HHLA2: variants seen among roughly 807,000 people sequenced by gnomAD.
HHLA2 encodes the protein HERV-H LTR-associating protein 2.
In HHLA2, 48 loss-of-function variants were observed where a neutral mutation model predicts 45.9. The ratio of observed to expected loss-of-function variants is 1.05; its 90% confidence interval spans 0.83 to 1.33. The LOEUF is 1.33. HHLA2 is among the 40% of genes most tolerant of loss of function. HHLA2 has a pLI of 0.00. For missense variants in HHLA2, 462 were observed against 494.3 expected (o/e 0.93, Z 0.62); for synonymous variants, 161 against 173.9 (o/e 0.93, Z 0.59).
intron 8 of HHLA2, among the ~76,000 whole-genome samples, chr3:108,373,651 T>C (rs1266147356): frequency 3.3e-5 from 5 of 151,964 alleles, no homozygotes; most frequent in African/African-American, 1.2e-4. Context: ...AAAATCAATG[T>C]GCAAAAATCA....
chr3:108,319,611 G>C (rs1188351543), intron 2 of HHLA2, among the ~76,000 whole-genome samples: 1 of 152,160 alleles, frequency 6.6e-6, no homozygotes, highest in Non-Finnish European at 1.5e-5. Flanking sequence ...GTTTCTTTTA[G>C]GTACTTGAAG....
At chr3:108,353,903 T>A (rs771443557) in intron 5 of HHLA2, 123 bp downstream of exon 4, 138 of 690,378 alleles carry the variant, frequency 2.0e-4, no homozygotes, top group Admixed American at 3.5e-4. Context: ...CTACTTATTT[T>A]TAACGCACAG....
chr3:108,358,386 T>C lies in HHLA2; in HGVS notation c.1003+225T>C, dbSNP rs183721536. ...TACTCCCACAGATTTCCTTTCAGGA[T>C]TTTGGGGCTTCAGAAATGAGGAGGA... On this transcript the variant is annotated intron_variant, in intron 7 of 10. Transcript: ENST00000619531. Among the ~76,000 whole-genome samples the C allele has an allele frequency of 2.2e-4, 34 of 152,306 alleles. No homozygotes were observed. The East Asian group carries it at 5.4e-3, about 24-fold the overall frequency.
At chr3:108,317,286 T>C (rs2081118507) in intron 2 of HHLA2, among the ~76,000 whole-genome samples, 1 of 152,210 alleles carries the variant, frequency 6.6e-6, no homozygotes, top group South Asian at 2.1e-4. Flanking sequence ...TCTGTGACAT[T>C]TCTAACCAGG....
At chr3:108,372,558 C>T (rs1165721784) in intron 8 of HHLA2, among the ~76,000 whole-genome samples, 1 of 150,834 alleles carries the variant, frequency 6.6e-6, no homozygotes, top group Non-Finnish European at 1.5e-5. Flanking sequence ...TTGAAAAGAT[C>T]AACAAAATTG....
intron 2 of HHLA2, among the ~76,000 whole-genome samples, chr3:108,317,228 G>C (rs972349897): frequency 6.6e-6 from 1 of 152,218 alleles, no homozygotes; most frequent in Non-Finnish European, 1.5e-5. Flanking sequence ...TCCAAGGGTA[G>C]AGTTTAACGA....
intron 1 of HHLA2, chr3:108,302,929 G>T (rs919837818): frequency 1.3e-5 from 2 of 152,116 alleles, no homozygotes; most frequent in African/African-American, 4.8e-5. Context: ...AAAAAATCCT[G>T]GACTCGGTAT....
intron 8 of HHLA2, among the ~76,000 whole-genome samples, chr3:108,368,535 CAAAAAAAAAAAAAAAA>C (rs55718572): frequency 2.9e-3 from 19 of 6,618 alleles, no homozygotes; most frequent in East Asian, 0.011. Context: ...AAACGAAGAG[CAAAAAAAAAAAAAAAA>C]AAAAAAAAAA....
chr3:108,348,765 A>G (rs1420204324), intron 3 of HHLA2, among the ~76,000 whole-genome samples: 1 of 152,048 alleles, frequency 6.6e-6, no homozygotes, highest in African/African-American at 2.4e-5. Context: ...CGTCACCTAC[A>G]TTAGGTATTT....
intron 2 of HHLA2, among the ~76,000 whole-genome samples, chr3:108,327,465 G>GT (rs2081306705): frequency 6.6e-6 from 1 of 152,018 alleles, no homozygotes; most frequent in Non-Finnish European, 1.5e-5. Flanking sequence ...TGTGTCCTCT[G>GT]TTTCTCATCT....
intron 1 of HHLA2, among the ~76,000 whole-genome samples, chr3:108,300,735 G>A (rs1394646036): frequency 6.6e-6 from 1 of 152,116 alleles, no homozygotes; most frequent in Admixed American, 6.5e-5. Flanking sequence ...GCTGGCCAGA[G>A]GCTCCTAGAA....
At chr3:108,329,207 A>T (rs1308521589) in intron 3 of HHLA2, among the ~76,000 whole-genome samples, 1 of 152,190 alleles carries the variant, frequency 6.6e-6, no homozygotes, top group Non-Finnish European at 1.5e-5. Context: ...GCTTTCTTAG[A>T]AGTACAAGTA....
At chr3:108,361,168 A>G (rs570346538) in intron 7 of HHLA2, among the ~76,000 whole-genome samples, 2 of 152,302 alleles carry the variant, frequency 1.3e-5, no homozygotes, top group East Asian at 3.9e-4. Context: ...GTTATTTCTG[A>G]GGAGCTCCAA....
chr3:108,329,718 G>A (rs549203778), intron 3 of HHLA2, among the ~76,000 whole-genome samples: 17 of 152,238 alleles, frequency 1.1e-4, no homozygotes, highest in East Asian at 7.7e-4. Context: ...CTTTGTGGGC[G>A]TGTTAACTTC....
At chr3:108,338,604 T>C (rs1175785099) in intron 3 of HHLA2, among the ~76,000 whole-genome samples, 1 of 152,180 alleles carries the variant, frequency 6.6e-6, no homozygotes, top group Non-Finnish European at 1.5e-5. Context: ...CTGCCAGCAG[T>C]TCCAAATATA....
In HHLA2 at chr3:108,343,682, A is replaced by G. The variant is rs537896844; in HGVS notation, c.-26-8106A>G. Among the ~76,000 whole-genome samples the G allele has an allele frequency of 1.7e-4, 26 of 152,186 alleles. 1 individual carries two copies. Among genetic ancestry groups the G allele is most frequent in the Non-Finnish European group, 3.4e-4 (23 of 68,024 alleles). ...ATGTAGATACAAGTAGGCGTTCTTT[A>G]CTTTGGGATATGAAAAGATGACAAA... On this transcript the variant is annotated intron_variant, in intron 3 of 10. Transcript: ENST00000619531.
intron 8 of HHLA2, among the ~76,000 whole-genome samples, chr3:108,369,780 T>C (rs1414539978): frequency 6.6e-6 from 1 of 152,126 alleles, no homozygotes; most frequent in Non-Finnish European, 1.5e-5. Flanking sequence ...CACCCACCAT[T>C]GCCGAGGCTT....
At chr3:108,328,907 ACT>A (rs2081337299) in intron 3 of HHLA2, among the ~76,000 whole-genome samples, 1 of 151,858 alleles carries the variant, frequency 6.6e-6, no homozygotes. Context: ...GTCTCTAAAG[ACT>A]CTTTTGCACT....
chr3:108,323,148 G>T (rs1227823035), intron 2 of HHLA2, among the ~76,000 whole-genome samples: 1 of 132,426 alleles, frequency 7.6e-6, no homozygotes, highest in Non-Finnish European at 1.6e-5. Context: ...TCTGTGGTTG[G>T]GGGGCAGTGA....
Sources: gnomAD v4.1 joint callset for allele counts (sites outside exome capture counted in the v4.1 genomes callset) on GRCh38, gnomAD v4.1.1 for gene constraint, MANE v1.5 for transcripts, NCBI Gene and HGNC (gene_info 2026-07-23, HGNC 2026-07-21) for gene names.